Variants in ATG7 observed in about 807,000 individuals in gnomAD.
The protein encoded by ATG7 is autophagy related 7.
ATG7 carries 70 observed loss-of-function variants against 82.4 expected under a neutral mutation model. The observed-to-expected ratio is 0.85, with a 90% CI of 0.70 to 1.04. The LOEUF is 1.04. ATG7 is among the 50% of genes least tolerant of loss of function. The pLI, the probability that ATG7 is intolerant of heterozygous loss-of-function variation, is 0.00. For missense variants in ATG7, 792 were observed against 864.3 expected (o/e 0.92, Z 1.05); for synonymous variants, 287 against 313.0 (o/e 0.92, Z 0.88).
chr3:11,482,441 G>T (rs951523915), intron 20 of ATG7, among the ~76,000 whole-genome samples: 1 of 152,128 alleles, frequency 6.6e-6, no homozygotes, highest in Non-Finnish European at 1.5e-5. Flanking sequence ...TATTACTACC[G>T]TATCTTTTTG....
At chr3:11,415,388 TAATA>T (rs1322212548) in intron 19 of ATG7, among the ~76,000 whole-genome samples, 2 of 152,184 alleles carry the variant, frequency 1.3e-5, no homozygotes, top group Non-Finnish European at 2.9e-5. Context: ...CTGTCTTCAG[TAATA>T]AATTACCTTT....
intron 20 of ATG7, among the ~76,000 whole-genome samples, chr3:11,445,640 C>CGTAA (rs1240453681): frequency 6.6e-6 from 1 of 152,110 alleles, no homozygotes; most frequent in Non-Finnish European, 1.5e-5. Flanking sequence ...CATGGGTTTA[C>CGTAA]CTATATAATA....
At chr3:11,461,608 T>G (rs867426216) in intron 20 of ATG7, among the ~76,000 whole-genome samples, 2 of 152,206 alleles carry the variant, frequency 1.3e-5, no homozygotes, top group African/African-American at 4.8e-5. Flanking sequence ...ATGTAGTTCT[T>G]AGAATGAGAA....
intron 20 of ATG7, among the ~76,000 whole-genome samples, chr3:11,552,577 C>T (rs2071908214): frequency 6.6e-6 from 1 of 152,178 alleles, no homozygotes; most frequent in Non-Finnish European, 1.5e-5. Flanking sequence ...GGCTGCTGCC[C>T]TCTGAGCCCA....
Position 11,303,460 on chromosome 3 carries a change from GA to G in ATG7, c.216-3482del, listed in dbSNP as rs1180512529. 4.0e-5 allele frequency among the ~76,000 whole-genome samples: 6 copies of G among 150,448 alleles called. No individual in the cohort carries two copies. The East Asian group carries it at 6.1e-4, about 15-fold the overall frequency. ...CGAGGCAGGCGGATCACGAGGTCAG[GA>G]GATCAAGACCATCCTGGCTAACATG... On this transcript the variant is annotated intron_variant, in intron 5 of 20. Coordinates refer to ENST00000693202, the MANE Select transcript of ATG7 (RefSeq NM_001349232.2).
chr3:11,558,639 C>T (rs762537180), downstream of ATG7: 1 of 1,611,106 alleles, frequency 6.2e-7, no homozygotes, highest in South Asian at 1.1e-5. Flanking sequence ...GAGGCGGACT[C>T]AGGGCTGCTG....
chr3:11,475,846 A>T (rs989282280), intron 20 of ATG7, among the ~76,000 whole-genome samples: 1 of 132,800 alleles, frequency 7.5e-6, no homozygotes, highest in African/African-American at 2.8e-5. Context: ...TGGTTCGTCT[A>T]TGTCCATCTC....
intron 3 of ATG7, among the ~76,000 whole-genome samples, chr3:11,290,060 G>A (rs546683064): frequency 5.3e-5 from 8 of 152,240 alleles, no homozygotes; most frequent in East Asian, 1.9e-4. Context: ...AGTATAGACC[G>A]GGTAGGAAAT....
chr3:11,348,497 GTCTGGAGTTTGTTCC>G (rs1954929200), intron 14 of ATG7: 1 of 156,786 alleles, frequency 6.4e-6, no homozygotes, highest in Non-Finnish European at 1.4e-5. Context: ...AAGATGATGT[GTCTGGAGTTTGTTCC>G]TTCAGATGTG....
At chr3:11,434,180 G>A (rs1436857809) in intron 20 of ATG7, among the ~76,000 whole-genome samples, 1 of 152,166 alleles carries the variant, frequency 6.6e-6, no homozygotes, top group East Asian at 1.9e-4. Context: ...TTTTGATTTG[G>A]TTCCTGTGGA....
chr3:11,375,705 A>G (rs1217214088), intron 18 of ATG7, among the ~76,000 whole-genome samples: 1 of 152,198 alleles, frequency 6.6e-6, no homozygotes, highest in East Asian at 1.9e-4. Context: ...GATTACAGGC[A>G]TGTACCACAA....
intron 9 of ATG7, among the ~76,000 whole-genome samples, chr3:11,328,598 A>G (rs533456388): frequency 3.3e-5 from 5 of 152,260 alleles, no homozygotes; most frequent in Non-Finnish European, 7.3e-5. Flanking sequence ...GAAATAATAC[A>G]GTAAATATCT....
intron 20 of ATG7, among the ~76,000 whole-genome samples, chr3:11,432,813 T>C (rs1395031845): frequency 2.0e-5 from 3 of 152,174 alleles, no homozygotes; most frequent in Non-Finnish European, 4.4e-5. Flanking sequence ...CATAAAGCTC[T>C]GACCTTTACT....
intron 20 of ATG7, among the ~76,000 whole-genome samples, chr3:11,452,659 C>T (rs768943129): frequency 2.0e-5 from 3 of 152,106 alleles, no homozygotes; most frequent in East Asian, 1.9e-4. Flanking sequence ...ATGGTTTATT[C>T]ACCCAGGCCT....
intron 3 of ATG7, among the ~76,000 whole-genome samples, chr3:11,282,678 G>C (rs1024902262): frequency 4.6e-5 from 7 of 152,134 alleles, no homozygotes; most frequent in Non-Finnish European, 7.4e-5. Flanking sequence ...CTCATCTTCC[G>C]GTAGAGCCTA....
chr3:11,555,155 G>T lies in ATG7; in HGVS notation c.*312G>T. 2.5e-6 allele frequency: 1 copy of T among 393,952 alleles called. No homozygotes were observed. Among genetic ancestry groups the T allele is most frequent in the Non-Finnish European group, 4.6e-6 (1 of 218,986 alleles). The allele number at this position is 393,952 out of a possible 1,614,324, so 24.4% of individuals were successfully genotyped here. On this transcript the variant is annotated 3_prime_UTR_variant, in exon 21 of 21. Coordinates refer to ENST00000693202, the MANE Select transcript of ATG7 (RefSeq NM_001349232.2). ...CCATCCCCCAGGATCCTTTCCCCTT[G>T]GCCCTGAGGGGGTGACCCAACACAG...
In ATG7 at chr3:11,557,183, C is replaced by T. The variant is rs1176336152; in HGVS notation, c.*2340C>T. 1.3e-5 allele frequency: 2 copies of T among 152,774 alleles called. No individual in the cohort carries two copies. Among genetic ancestry groups the T allele is most frequent in the African/African-American group, 4.8e-5 (2 of 41,464 alleles). 9.5% of individuals were successfully genotyped at this position (152,774 alleles called of 1,614,324 possible). Reference sequence around the variant, plus strand: ...AAAGGAGCAGCTGTGACCTCCACAGCTGTGTCTGTCATGCTTGCTTCATCT... The same window carrying T: ...AAAGGAGCAGCTGTGACCTCCACAGTTGTGTCTGTCATGCTTGCTTCATCT... On this transcript the variant is annotated 3_prime_UTR_variant, in exon 21 of 21. Transcript: ENST00000693202.
At chr3:11,419,696 G>A (rs1354917895) in intron 19 of ATG7, among the ~76,000 whole-genome samples, 1 of 152,180 alleles carries the variant, frequency 6.6e-6, no homozygotes, top group Non-Finnish European at 1.5e-5. Context: ...GTGTGGGGGC[G>A]CTGAAATGCC....
rs981069204 is a variant in ATG7 at position 11,490,377 on chromosome 3, C to G, written c.2079+63451C>G. 5.1e-3 allele frequency among the ~76,000 whole-genome samples: 769 copies of G among 152,270 alleles called. 3 individuals are homozygous for G. Among genetic ancestry groups the G allele is most frequent in the Non-Finnish European group, 8.2e-3 (560 of 68,030 alleles). On this transcript the variant is annotated intron_variant, in intron 20 of 20. Coordinates refer to ENST00000693202, the MANE Select transcript of ATG7 (RefSeq NM_001349232.2). ...AGCCTATGTGTGTCTCTGCACGTGA[C>G]ATGGGTTTCCTGAATACAGCACACT...
Sources: gnomAD v4.1 joint callset for allele counts (sites outside exome capture counted in the v4.1 genomes callset) on GRCh38, gnomAD v4.1.1 for gene constraint, MANE v1.5 for transcripts, NCBI Gene and HGNC (gene_info 2026-07-23, HGNC 2026-07-21) for gene names.